Variants in FCHSD2 observed in about 807,000 individuals in gnomAD.
FCHSD2 encodes F-BAR and double SH3 domains protein 2.
A neutral mutation model predicts 108.1 loss-of-function variants in FCHSD2; 38 were observed. The observed-to-expected ratio is 0.35, with a 90% CI of 0.27 to 0.46. The LOEUF (loss-of-function observed/expected upper bound fraction) is 0.46. Ranked by LOEUF, FCHSD2 falls within the 20% of genes least tolerant of loss-of-function variation. The pLI, the probability that FCHSD2 is intolerant of heterozygous loss-of-function variation, is 1.00. For synonymous variants in FCHSD2, 279 were observed against 314.7 expected (o/e 0.89, Z 1.20); for missense variants, 751 against 897.8 (o/e 0.84, Z 2.09).
Position 73,104,848 on chromosome 11 carries a change from G to A in FCHSD2, c.120-21108C>T, listed in dbSNP as rs375268428. Among the ~76,000 whole-genome samples the A allele has an allele frequency of 8.5e-5, 13 of 152,252 alleles. No individual in the cohort carries two copies. In the East Asian group the frequency reaches 1.9e-3, roughly 23 times the overall value. On this transcript the variant is annotated intron_variant, in intron 2 of 19. Transcript: ENST00000409418. ...GCTGGGATTACAGGCCTGAGTCACC[G>A]TGCCTGGCCAACTTTACTAATTGAA... is the stretch of plus-strand genomic sequence containing the variant.
intron 8 of FCHSD2, among the ~76,000 whole-genome samples, chr11:72,948,950 C>T (rs1478132045): frequency 6.6e-6 from 1 of 151,912 alleles, no homozygotes; most frequent in African/African-American, 2.4e-5. Context: ...CAGGCATGAG[C>T]CACAGCACCC....
At chr11:73,079,756 TAAG>T (rs1023493017) in intron 3 of FCHSD2, among the ~76,000 whole-genome samples, 4 of 151,842 alleles carry the variant, frequency 2.6e-5, no homozygotes, top group African/African-American at 9.7e-5. Context: ...CATTAAAGAG[TAAG>T]AAGAACTCAG....
intron 8 of FCHSD2, among the ~76,000 whole-genome samples, chr11:72,951,785 C>T (rs1029621946): frequency 2.0e-4 from 31 of 151,976 alleles, no homozygotes; most frequent in Non-Finnish European, 4.0e-4. Context: ...TGAGGTTTAC[C>T]CTTTCACAAT....
intron 3 of FCHSD2, among the ~76,000 whole-genome samples, chr11:73,068,813 T>TA (rs1237723120): frequency 0.41 from 34,138 of 83,222 alleles, 5,692 homozygotes; most frequent in East Asian, 0.56. Flanking sequence ...CTACAAAAAG[T>TA]AAAAAAAAAA....
intron 2 of FCHSD2, among the ~76,000 whole-genome samples, chr11:73,106,605 C>T (rs1320928658): frequency 6.6e-6 from 1 of 151,830 alleles, no homozygotes. Flanking sequence ...GGTCATGAAA[C>T]TTATTGATAA....
At chr11:73,129,223 G>A (rs1351194358) in intron 2 of FCHSD2, among the ~76,000 whole-genome samples, 1 of 152,096 alleles carries the variant, frequency 6.6e-6, no homozygotes. Context: ...AATTACAGCT[G>A]GGCGCCATAA....
At chr11:73,015,490 A>G (rs1270305502) in intron 4 of FCHSD2, among the ~76,000 whole-genome samples, 2 of 152,122 alleles carry the variant, frequency 1.3e-5, no homozygotes, top group African/African-American at 2.4e-5. Flanking sequence ...AATGTGTTTC[A>G]TCATAGGTCA....
chr11:73,142,151 C>T lies in FCHSD2; in HGVS notation c.-274G>A, dbSNP rs1385459510. On this transcript the variant is annotated 5_prime_UTR_variant, in exon 1 of 20. Coordinates refer to ENST00000409418, the MANE Select transcript of FCHSD2 (RefSeq NM_014824.3). ...GGGTGTGTGAGGAAGGAGGCGGAGA[C>T]GGCGAGGGGGCGGGGGCCCCAGGAG... 30 of 277,414 alleles carry T rather than the reference C, an allele frequency of 1.1e-4. No individual in the cohort carries two copies. The highest frequency in any genetic ancestry group is 3.4e-5 in the Non-Finnish European group (5 of 148,208). The allele number at this position is 277,414 out of a possible 1,614,324, so 17.2% of individuals were successfully genotyped here.
At chr11:73,066,779 T>C (rs1859304155) in intron 3 of FCHSD2, among the ~76,000 whole-genome samples, 1 of 152,158 alleles carries the variant, frequency 6.6e-6, no homozygotes, top group Non-Finnish European at 1.5e-5. Flanking sequence ...AAAACCACAA[T>C]GAGATATTAT....
At chr11:73,003,732 C>T (rs1019281680) in intron 4 of FCHSD2, among the ~76,000 whole-genome samples, 5 of 151,414 alleles carry the variant, frequency 3.3e-5, no homozygotes, top group Middle Eastern at 3.4e-3. Context: ...GTGATCCGCC[C>T]GCCTCGGCCT....
At chr11:72,939,071 T>C (rs954779228) in intron 8 of FCHSD2, among the ~76,000 whole-genome samples, 3 of 152,186 alleles carry the variant, frequency 2.0e-5, no homozygotes, top group Non-Finnish European at 4.4e-5. Context: ...GGTATATGGT[T>C]ATTCAGGATA....
At chr11:73,084,940 G>T (rs1487870697) in intron 2 of FCHSD2, among the ~76,000 whole-genome samples, 10 of 124,086 alleles carry the variant, frequency 8.1e-5, no homozygotes, top group Non-Finnish European at 1.3e-4. Context: ...AAAGACCAAA[G>T]ACATAAGAGT....
intron 5 of FCHSD2, among the ~76,000 whole-genome samples, chr11:72,999,888 AACACAC>A (rs922523491): frequency 4.9e-5 from 5 of 102,806 alleles, no homozygotes; most frequent in Non-Finnish European, 1.1e-4. Flanking sequence ...CACACACACA[AACACAC>A]ACACACACAC....
chr11:72,841,340 C>CAAAAAAAAAAAA, intron 18 of FCHSD2, 114 bp downstream of exon 18: 10 of 371,390 alleles, frequency 2.7e-5, no homozygotes, highest in East Asian at 9.5e-5. Context: ...ACTCTGTCTC[C>CAAAAAAAAAAAA]AAAAAAAAAA....
At chr11:72,869,349 C>T (rs1220017313) in intron 12 of FCHSD2, among the ~76,000 whole-genome samples, 5 of 149,906 alleles carry the variant, frequency 3.3e-5, no homozygotes, top group South Asian at 2.1e-4. Flanking sequence ...TTCCCTGGCA[C>T]AGATGCTAAT....
chr11:73,124,175 C>T (rs146525743), intron 2 of FCHSD2, among the ~76,000 whole-genome samples: 104 of 152,270 alleles, frequency 6.8e-4, no homozygotes, highest in African/African-American at 2.5e-3. Context: ...AAACCAAACA[C>T]CGCATGTTCT....
chr11:73,069,448 T>C (rs866499951), intron 3 of FCHSD2, among the ~76,000 whole-genome samples: 1 of 147,638 alleles, frequency 6.8e-6, no homozygotes, highest in Non-Finnish European at 1.5e-5. Flanking sequence ...CATATATACA[T>C]ACATACATAT....
At chr11:72,993,867 C>T (rs1231683737) in intron 5 of FCHSD2, among the ~76,000 whole-genome samples, 1 of 152,054 alleles carries the variant, frequency 6.6e-6, no homozygotes, top group African/African-American at 2.4e-5. Flanking sequence ...TGTAACTAAC[C>T]TGCACGTTGT....
At chr11:73,069,012 C>CA (rs933284799) in intron 3 of FCHSD2, among the ~76,000 whole-genome samples, 4 of 148,072 alleles carry the variant, frequency 2.7e-5, no homozygotes, top group Admixed American at 6.8e-5. Context: ...AAACCATCTC[C>CA]AAAAAACAAA....
Sources: allele counts gnomAD v4.1 joint callset (sites outside exome capture counted in the v4.1 genomes callset), GRCh38; gene constraint gnomAD v4.1.1; transcripts MANE v1.5; gene names NCBI Gene and HGNC (gene_info 2026-07-23, HGNC 2026-07-21).